Variants in WRN observed in about 807,000 individuals in gnomAD.
WRN encodes bifunctional 3'-5' exonuclease/ATP-dependent helicase WRN.
A neutral mutation model predicts 180.7 loss-of-function variants in WRN; 149 were observed. That is an observed-to-expected ratio of 0.82 (90% CI 0.72 to 0.94). WRN has a LOEUF of 0.94. Ranked by LOEUF, WRN falls within the 40% of genes least tolerant of loss-of-function variation. WRN has a pLI of 0.00. For synonymous variants in WRN, 548 were observed against 568.9 expected (o/e 0.96, Z 0.52); for missense variants, 1,661 against 1,700.1 (o/e 0.98, Z 0.40).
chr8:31,041,188 G>A (rs1053712400), intron 1 of WRN, among the ~76,000 whole-genome samples: 12 of 152,122 alleles, frequency 7.9e-5, no homozygotes, highest in Non-Finnish European at 1.6e-4. Context: ...CATACCCACG[G>A]GAGCTAATGG....
chr8:31,063,077 T>C (rs1021495489), intron 3 of WRN, among the ~76,000 whole-genome samples: 1 of 152,188 alleles, frequency 6.6e-6, no homozygotes, highest in Non-Finnish European at 1.5e-5. Context: ...CTAGTGATCC[T>C]CCTGCCTTGG....
chr8:31,108,748 G>A (rs960474431), intron 18 of WRN, among the ~76,000 whole-genome samples: 33 of 152,054 alleles, frequency 2.2e-4, no homozygotes, highest in African/African-American at 4.8e-4. Flanking sequence ...TTGTGGGGCC[G>A]GAGGGTAACT....
At chr8:31,068,384 A>G in intron 7 of WRN, 57 bp downstream of exon 7, 1 of 1,399,364 alleles carries the variant, frequency 7.1e-7, no homozygotes, top group Non-Finnish European at 1.0e-6. Flanking sequence ...GTTTATCTCC[A>G]AAAAAGGCAA....
chr8:31,159,310 A>AG (rs1352269753), intron 33 of WRN, among the ~76,000 whole-genome samples: 1 of 151,408 alleles, frequency 6.6e-6, no homozygotes, highest in African/African-American at 2.4e-5. Flanking sequence ...TCTCAAAAGG[A>AG]GAAAAAAAAA....
chr8:31,068,454 A>T, intron 7 of WRN, 127 bp downstream of exon 7: 2 of 767,836 alleles, frequency 2.6e-6, no homozygotes, highest in South Asian at 3.3e-5. Context: ...AGCAGTCCTG[A>T]CATTAGGGTG....
At chr8:31,041,293 A>G (rs1252950830) in intron 1 of WRN, among the ~76,000 whole-genome samples, 1 of 152,208 alleles carries the variant, frequency 6.6e-6, no homozygotes, top group Non-Finnish European at 1.5e-5. Context: ...GAGAAGACCA[A>G]TGTCCCAGCT....
chr8:31,143,499 T>C (rs775745823), intron 27 of WRN, 51 bp from the exon 28 acceptor site: 1 of 1,276,094 alleles, frequency 7.8e-7, no homozygotes, highest in Non-Finnish European at 1.1e-6. Flanking sequence ...TCTTCACATT[T>C]AAAAGTTTTT....
chr8:31,106,313 T>G (rs1387053897), intron 18 of WRN, among the ~76,000 whole-genome samples: 1 of 151,928 alleles, frequency 6.6e-6, no homozygotes, highest in East Asian at 1.9e-4. Flanking sequence ...GCGTCCAGAG[T>G]GATACTTTAA....
At chr8:31,035,079 G>A (rs981296420) in intron 1 of WRN, among the ~76,000 whole-genome samples, 1 of 151,878 alleles carries the variant, frequency 6.6e-6, no homozygotes, top group African/African-American at 2.4e-5. Context: ...CCCCCACAGT[G>A]GTCTCCCTTT....
intron 28 of WRN, among the ~76,000 whole-genome samples, chr8:31,144,824 G>C (rs1291386684): frequency 6.6e-6 from 1 of 152,208 alleles, no homozygotes; most frequent in Admixed American, 6.5e-5. Context: ...TGCTACCCCA[G>C]TGAATAAAAC....
In WRN at chr8:31,150,423, A is replaced by G; in HGVS notation, c.3655A>G (p.Ile1219Val). 1 of 1,614,174 alleles carries G rather than the reference A, an allele frequency of 6.2e-7. No homozygotes were observed. The highest frequency in any genetic ancestry group is 8.5e-7 in the Non-Finnish European group (1 of 1,180,016). Reference protein sequence around the residue: ...AAMLAPLLEVIKHFCQTNSVQ... With the variant: ...AAMLAPLLEVVKHFCQTNSVQ... ...CATGTTGGCCCCTCTGTTGGAAGTC[A>G]TCAAACATTTCTGCCAAACAAATAG... Residue 1219 changes from isoleucine to valine, a missense_variant, in exon 31 of 35, where the codon ATC (isoleucine) becomes GTC (valine). Around this residue, in one of 3 missense-constraint regions of WRN, gnomAD observed 1,141 missense variants for 1,149.4 expected, o/e 0.99. Transcript: ENST00000298139.
At chr8:31,050,243 A>G (rs886995805) in intron 1 of WRN, among the ~76,000 whole-genome samples, 6 of 152,200 alleles carry the variant, frequency 3.9e-5, no homozygotes, top group Admixed American at 3.3e-4. Context: ...GTTAGGTTAG[A>G]TACAAAGCTG....
chr8:31,057,740 TTC>T (rs1014156559), intron 1 of WRN, among the ~76,000 whole-genome samples: 8 of 151,950 alleles, frequency 5.3e-5, no homozygotes, highest in African/African-American at 1.9e-4. Flanking sequence ...AACAAATATG[TTC>T]TGTTTTTTTT....
At chr8:31,104,089 C>T (rs1472954642) in intron 18 of WRN, among the ~76,000 whole-genome samples, 1 of 152,146 alleles carries the variant, frequency 6.6e-6, no homozygotes, top group Admixed American at 6.5e-5. Flanking sequence ...TAAAAGTTTT[C>T]ATTTCTCTGG....
At chr8:31,126,695 G>A (rs1029032504) in intron 23 of WRN, among the ~76,000 whole-genome samples, 7 of 152,146 alleles carry the variant, frequency 4.6e-5, no homozygotes. Context: ...GGGTGACAGA[G>A]TGAGACCCTA....
intron 11 of WRN, among the ~76,000 whole-genome samples, chr8:31,087,063 A>G (rs1041549373): frequency 6.6e-6 from 1 of 152,094 alleles, no homozygotes; most frequent in Non-Finnish European, 1.5e-5. Flanking sequence ...TTTTTTAAAA[A>G]AAAACCTTCA....
intron 3 of WRN, among the ~76,000 whole-genome samples, chr8:31,060,936 C>CT (rs1257596269): frequency 6.6e-6 from 1 of 152,112 alleles, no homozygotes; most frequent in East Asian, 1.9e-4. Context: ...ATGATGTGCC[C>CT]TTGTGTAATG....
chr8:31,089,057 G>A lies in WRN; in HGVS notation c.1652+92G>A, dbSNP rs972533812. The A allele has an allele frequency of 5.7e-6, 6 of 1,060,488 alleles. No homozygotes were observed. In the Admixed American group the frequency reaches 7.9e-5, roughly 14 times the overall value. The allele number at this position is 1,060,488 out of a possible 1,614,324, so 65.7% of individuals were successfully genotyped here. A position where few individuals can be genotyped will look rare whatever the true frequency, so the allele number is the denominator to read the frequency against. ...ATAACCTGTCTGCTTAACAGCAACA[G>A]CACAACTTCACTATAGTTATACATG... On this transcript the variant is annotated intron_variant, in intron 13 of 34. Coordinates refer to ENST00000298139, the MANE Select transcript of WRN (RefSeq NM_000553.6).
At chr8:31,170,989 G>A (rs1395427368) in intron 34 of WRN, 1 of 152,144 alleles carries the variant, frequency 6.6e-6, no homozygotes, top group Non-Finnish European at 1.5e-5. Flanking sequence ...ATCAGGATGT[G>A]TTTTGCTATT....
Sources: gnomAD v4.1 joint callset for allele counts (sites outside exome capture counted in the v4.1 genomes callset) on GRCh38, gnomAD v4.1.1 for gene constraint, gnomAD v4.1.1 regional missense constraint, MANE v1.5 for transcripts, NCBI Gene and HGNC (gene_info 2026-07-23, HGNC 2026-07-21) for gene names.